The following SLC45A4 variants were observed in gnomAD, a reference collection of about 807,000 sequenced individuals.
The protein encoded by SLC45A4 is solute carrier family 45 member 4, also known as polyamine-transporter SLC45A4.
SLC45A4 carries 32 observed loss-of-function variants against 63.7 expected under a neutral mutation model. That is an observed-to-expected ratio of 0.50 (90% CI 0.38 to 0.67). The LOEUF (loss-of-function observed/expected upper bound fraction) is 0.67, where lower values mean the gene tolerates loss of function less well. Ranked by LOEUF, SLC45A4 falls within the 30% of genes least tolerant of loss-of-function variation. The probability of loss-of-function intolerance (pLI) is 0.00; values close to 1 mark genes in which losing one functional copy is unlikely to be tolerated. For synonymous variants in SLC45A4, 535 were observed against 510.0 expected (o/e 1.05, Z -0.66); for missense variants, 1,027 against 1,157.7 (o/e 0.89, Z 1.64).
rs1377449244 is a variant in SLC45A4 at position 141,218,280 on chromosome 8, T to C, written c.1360A>G (p.Ser454Gly). 2 of 1,604,458 alleles carry C rather than the reference T, an allele frequency of 1.2e-6. No individual in the cohort carries two copies. The highest frequency in any genetic ancestry group is 1.1e-5 in the South Asian group (1 of 91,078). ...NAVVLIKPSRSMSDLYDMQKR... is the reference protein window; with the variant it reads ...NAVVLIKPSRGMSDLYDMQKR... ...TGCATGTCGTACAGGTCGCTCATGC[T>C]GCGCGACGGCTTGATCAGCACCACG... Residue 454 changes from serine (S) to glycine (G), a missense_variant, in exon 5 of 9, where the codon AGC becomes GGC. By Grantham distance (56) the Ser-to-Gly change is moderately conservative. Transcript: ENST00000517878.
intron 2 of SLC45A4, among the ~76,000 whole-genome samples, chr8:141,238,492 G>C (rs1445628261): frequency 8.5e-5 from 13 of 152,076 alleles, no homozygotes; most frequent in Admixed American, 8.5e-4. Flanking sequence ...CCCAGCCCCT[G>C]GCCTCCGCCA....
At chr8:141,270,867 C>A (rs1463871948) in intron 1 of SLC45A4, among the ~76,000 whole-genome samples, 4 of 152,180 alleles carry the variant, frequency 2.6e-5, no homozygotes, top group African/African-American at 7.2e-5. Flanking sequence ...CAGCTCGTAC[C>A]TCCCTGTCTA....
At position 141,218,164 on chromosome 8, in the gene SLC45A4, G is replaced by A; in HGVS notation, c.1476C>T (p.Thr492=). The A allele has an allele frequency of 6.2e-7, 1 of 1,608,046 alleles. No individual in the cohort carries two copies. Among genetic ancestry groups the A allele is most frequent in the Non-Finnish European group, 8.5e-7 (1 of 1,179,912 alleles). ...TGGAGAGCCACAGCAGGCGCACCGT[G>A]GTCTCGCCCTCCCCCTCCTCACTCT... ...DTESEEGEGE[T]TVRLLWLSML... The change falls in exon 5 of 9, where the codon ACC becomes ACT. Residue 492 remains threonine (T), a synonymous_variant. Transcript: ENST00000517878.
At chr8:141,265,319 C>T (rs1829222590) in intron 1 of SLC45A4, among the ~76,000 whole-genome samples, 1 of 152,190 alleles carries the variant, frequency 6.6e-6, no homozygotes, top group Non-Finnish European at 1.5e-5. Context: ...CGGCCTCCCC[C>T]AGTCACTTCA....
intron 2 of SLC45A4, among the ~76,000 whole-genome samples, chr8:141,243,287 C>A (rs575259668): frequency 6.6e-6 from 1 of 152,264 alleles, no homozygotes; most frequent in Non-Finnish European, 1.5e-5. Flanking sequence ...GGGATGTGAC[C>A]GAGAGCAGCT....
intron 1 of SLC45A4, among the ~76,000 whole-genome samples, chr8:141,288,800 T>A (rs1240639540): frequency 6.6e-6 from 1 of 151,960 alleles, no homozygotes; most frequent in Non-Finnish European, 1.5e-5. Context: ...CACTGCTGGG[T>A]TGGGAAAGAT....
At chr8:141,213,409 C>T (rs1052571326) in intron 7 of SLC45A4, among the ~76,000 whole-genome samples, 2 of 152,222 alleles carry the variant, frequency 1.3e-5, no homozygotes, top group African/African-American at 2.4e-5. Flanking sequence ...AGGAGTCACA[C>T]TGGAAATCAG....
chr8:141,289,721 C>T (rs1391446459), intron 1 of SLC45A4, among the ~76,000 whole-genome samples: 1 of 152,146 alleles, frequency 6.6e-6, no homozygotes, highest in Non-Finnish European at 1.5e-5. Flanking sequence ...GTGGCCTCTG[C>T]AGAGGGGGGC....
intron 2 of SLC45A4, among the ~76,000 whole-genome samples, chr8:141,230,989 C>T (rs966708160): frequency 6.6e-6 from 1 of 151,864 alleles, no homozygotes; most frequent in African/African-American, 2.4e-5. Context: ...CGTGTGACAC[C>T]CAGTGAGGCA....
chr8:141,251,690 A>T (rs1325778231), intron 2 of SLC45A4, among the ~76,000 whole-genome samples: 1 of 152,048 alleles, frequency 6.6e-6, no homozygotes, highest in Non-Finnish European at 1.5e-5. Flanking sequence ...TTCTCAAAAC[A>T]AGGTTTTTAA....
intron 1 of SLC45A4, among the ~76,000 whole-genome samples, chr8:141,307,694 G>A (rs1175690427): frequency 1.3e-5 from 2 of 151,706 alleles, no homozygotes; most frequent in Admixed American, 6.6e-5. Context: ...AGGACCAGGA[G>A]TTAGAGGCGC....
chr8:141,274,978 G>T (rs1392276662), intron 1 of SLC45A4, among the ~76,000 whole-genome samples: 1 of 152,206 alleles, frequency 6.6e-6, no homozygotes, highest in Admixed American at 6.5e-5. Flanking sequence ...AGGGCAGAAC[G>T]GCCACTTTCT....
intron 2 of SLC45A4, among the ~76,000 whole-genome samples, chr8:141,240,557 T>TC (rs753051435): frequency 6.6e-6 from 1 of 152,194 alleles, no homozygotes; most frequent in Non-Finnish European, 1.5e-5. Flanking sequence ...GCAGCCTGGT[T>TC]CCACAACACG....
Position 141,265,309 on chromosome 8 carries a change from C to T in SLC45A4, c.-400-10680G>A, listed in dbSNP as rs72681593. On this transcript the variant is annotated intron_variant, in intron 1 of 8. Transcript: ENST00000517878. ...AGGCAGTTTGAAATCCTTCCCTTCA[C>T]GGCCTCCCCCAGTCACTTCATCTCT... 6.1e-3 allele frequency among the ~76,000 whole-genome samples: 934 copies of T among 152,288 alleles called. 8 individuals carry two copies. Among genetic ancestry groups the T allele is most frequent in the Middle Eastern group, 0.01 (3 of 294 alleles).
At chr8:141,260,196 C>T (rs1456631098) in intron 1 of SLC45A4, among the ~76,000 whole-genome samples, 2 of 152,336 alleles carry the variant, frequency 1.3e-5, no homozygotes, top group South Asian at 2.1e-4. Context: ...TATCTTTAGA[C>T]ATCTTGAGTT....
intron 2 of SLC45A4, among the ~76,000 whole-genome samples, chr8:141,231,868 G>A (rs1009870729): frequency 6.6e-6 from 1 of 152,248 alleles, no homozygotes; most frequent in Non-Finnish European, 1.5e-5. Context: ...ACAGCGCCTG[G>A]TGAGGGCAAA....
At chr8:141,239,215 G>GTTAGC (rs1569558508) in intron 2 of SLC45A4, among the ~76,000 whole-genome samples, 1 of 152,172 alleles carries the variant, frequency 6.6e-6, no homozygotes, top group Non-Finnish European at 1.5e-5. Flanking sequence ...ACTGTTTAGG[G>GTTAGC]TTAGCTAGGT....
At chr8:141,279,240 G>A (rs1360615280) in intron 1 of SLC45A4, among the ~76,000 whole-genome samples, 1 of 152,212 alleles carries the variant, frequency 6.6e-6, no homozygotes, top group Non-Finnish European at 1.5e-5. Flanking sequence ...GCCTTTCCTT[G>A]CCTCCCATCC....
intron 1 of SLC45A4, among the ~76,000 whole-genome samples, chr8:141,287,053 G>A (rs1216138345): frequency 1.3e-5 from 2 of 152,134 alleles, no homozygotes; most frequent in East Asian, 3.9e-4. Flanking sequence ...TGAGGAAGTC[G>A]CCTGACCGCT....
Sources: allele counts gnomAD v4.1 joint callset (sites outside exome capture counted in the v4.1 genomes callset), GRCh38; gene constraint gnomAD v4.1.1; transcripts MANE v1.5; gene names NCBI Gene and HGNC (gene_info 2026-07-23, HGNC 2026-07-21).